MIA2: variants seen among roughly 807,000 people sequenced by gnomAD.
MIA2 encodes melanoma inhibitory activity protein 2.
In MIA2, 127 loss-of-function variants were observed where a neutral mutation model predicts 167.8. That is an observed-to-expected ratio of 0.76 (90% CI 0.66 to 0.88). The LOEUF is 0.88. MIA2 is among the 40% of genes least tolerant of loss of function. The pLI is 0.00. For synonymous variants in MIA2, 552 were observed against 541.9 expected (o/e 1.02, Z -0.26); for missense variants, 1,690 against 1,624.7 (o/e 1.04, Z -0.69).
chr14:39,377,754 T>G lies in MIA2; in HGVS notation c.2249-9131T>G, dbSNP rs559107870. On this transcript the variant is annotated intron_variant, in intron 23 of 23. Coordinates refer to the MIA2 transcript ENST00000341502. ...AAGAATAATCATTTGTTATACAGGC[T>G]CTCTCCCTTTTTTTTTTTAAATTGG... Among the ~76,000 whole-genome samples, 150 of 133,144 alleles carry G rather than the reference T, an allele frequency of 1.1e-3. 3 individuals are homozygous for G. The highest frequency in any genetic ancestry group is 0.011 in the South Asian group (50 of 4,634). 87.3% of individuals were successfully genotyped at this position (133,144 alleles called of 152,430 possible).
intron 4 of MIA2, among the ~76,000 whole-genome samples, chr14:39,251,861 TG>T (rs1441596506): frequency 2.6e-5 from 4 of 152,210 alleles, no homozygotes; most frequent in Non-Finnish European, 1.5e-5. Flanking sequence ...TCTTTATTAT[TG>T]TTTTTCAGGA....
intron 6 of MIA2, among the ~76,000 whole-genome samples, chr14:39,254,699 T>G (rs1327089253): frequency 6.6e-6 from 1 of 152,142 alleles, no homozygotes. Flanking sequence ...GAAATCTGGA[T>G]TTTTGTGTGT....
intron 17 of MIA2, among the ~76,000 whole-genome samples, chr14:39,304,736 C>G (rs1023796048): frequency 1.3e-5 from 2 of 152,072 alleles, no homozygotes; most frequent in Non-Finnish European, 2.9e-5. Flanking sequence ...AAAAATTGAT[C>G]TTCAATAGTG....
At chr14:39,323,510 A>G (rs752209884) in intron 24 of MIA2, among the ~76,000 whole-genome samples, 2 of 142,456 alleles carry the variant, frequency 1.4e-5, no homozygotes, top group Non-Finnish European at 3.0e-5. Context: ...ATCATGTCAT[A>G]TTGTACACTA....
chr14:39,268,899 G>A, intron 6 of MIA2: 1 of 611,672 alleles, frequency 1.6e-6, no homozygotes, highest in Non-Finnish European at 2.0e-6. Context: ...ATTCATGGAG[G>A]TAGGGTTTTT....
intron 23 of MIA2, among the ~76,000 whole-genome samples, chr14:39,360,216 C>G (rs1595939986): frequency 6.6e-6 from 1 of 152,236 alleles, no homozygotes; most frequent in African/African-American, 2.4e-5. Flanking sequence ...GGATGAGAAT[C>G]ATTTGAACCT....
At chr14:39,271,422 C>T (rs567279392) in intron 6 of MIA2, among the ~76,000 whole-genome samples, 2 of 152,092 alleles carry the variant, frequency 1.3e-5, no homozygotes, top group East Asian at 3.9e-4. Flanking sequence ...GTATGAGTCC[C>T]CCAGCGTTGT....
At chr14:39,352,523 A>G (rs1050738740), downstream of MIA2, among the ~76,000 whole-genome samples, 10 of 151,980 alleles carry the variant, frequency 6.6e-5, no homozygotes, top group African/African-American at 2.2e-4. Flanking sequence ...ATGAAATTGT[A>G]GGTCAGAATT....
chr14:39,272,277 G>C (rs1434717886), intron 6 of MIA2, among the ~76,000 whole-genome samples: 1 of 152,092 alleles, frequency 6.6e-6, no homozygotes, highest in Admixed American at 6.6e-5. Context: ...GCTTGAACCC[G>C]GGAGGCGGAG....
Position 39,288,448 on chromosome 14 carries a change from TATATATATATA to T in MIA2, c.2131-2570_2131-2560del, listed in dbSNP as rs2060137492. Among the ~76,000 whole-genome samples, 128 of 34,710 alleles carry T rather than the reference TATATATATATA, an allele frequency of 3.7e-3. 23 individuals are homozygous for T. The highest frequency in any genetic ancestry group is 7.8e-3 in the African/African-American group (45 of 5,800). The allele number at this position is 34,710 out of a possible 152,430, so 22.8% of individuals were successfully genotyped here. On this transcript the variant is annotated intron_variant, in intron 9 of 28. Coordinates refer to ENST00000640607, the MANE Select transcript of MIA2 (RefSeq NM_001329214.4). The stretch of plus-strand genomic sequence containing the variant: ...TATATTATACATATATATATATATA[TATATATATATA>T]TATATATATATATATATTTTTTTTT...
intron 3 of MIA2, among the ~76,000 whole-genome samples, chr14:39,242,006 G>C (rs1170728823): frequency 6.6e-6 from 1 of 152,124 alleles, no homozygotes; most frequent in Admixed American, 6.6e-5. Flanking sequence ...ACTTCACTTG[G>C]CTAGTTCCTT....
At chr14:39,265,196 C>T (rs866396200) in intron 6 of MIA2, 2 of 540,712 alleles carry the variant, frequency 3.7e-6, no homozygotes, top group Non-Finnish European at 6.5e-6. Flanking sequence ...CGAGTGAGGT[C>T]CATGAAATTG....
chr14:39,247,195 T>C lies in MIA2; in HGVS notation c.621T>C (p.Asp207=). 6.2e-7 allele frequency: 1 copy of C among 1,614,112 alleles called. No homozygotes were observed. The highest frequency in any genetic ancestry group is 8.5e-7 in the Non-Finnish European group (1 of 1,180,014). ...TAGTTGTTGAAAGTATGGAACAGGA[T>C]CGTATTCCAGAAGTGCATGTCCCAC... is the stretch of plus-strand genomic sequence containing the variant. The part of the protein sequence containing the change: ...EEVVVESMEQ[D]RIPEVHVPPS... The change falls in exon 4 of 29, where the codon GAT becomes GAC. Residue 207 remains aspartate, a synonymous_variant. Transcript: ENST00000640607.
chr14:39,312,731 G>T (rs1479922362), intron 18 of MIA2, among the ~76,000 whole-genome samples: 1 of 152,072 alleles, frequency 6.6e-6, no homozygotes, highest in Non-Finnish European at 1.5e-5. Context: ...TTGTAGAGCT[G>T]TTGTGGTAAT....
intron 6 of MIA2, chr14:39,266,600 G>A: frequency 1.0e-6 from 1 of 985,484 alleles, no homozygotes; most frequent in Non-Finnish European, 1.2e-6. Context: ...CAGCTGAGCC[G>A]GGACGCCTTC....
At chr14:39,276,111 C>A in intron 6 of MIA2, 1 of 152,228 alleles carries the variant, frequency 6.6e-6, no homozygotes. Context: ...TACCTTTCCC[C>A]TTTTCTTTTT....
At chr14:39,308,702 T>C (rs2063741372) in intron 18 of MIA2, 115 bp downstream of exon 18, 1 of 852,784 alleles carries the variant, frequency 1.2e-6, no homozygotes, top group African/African-American at 1.8e-5. Flanking sequence ...TTAGATTGTA[T>C]TTCATCAACT....
At chr14:39,350,937 T>C (rs1361554783), downstream of MIA2, 1 of 145,828 alleles carries the variant, frequency 6.9e-6, no homozygotes, top group East Asian at 2.0e-4. Context: ...ATTCACTGAG[T>C]TTCTTGCACG....
intron 23 of MIA2, among the ~76,000 whole-genome samples, chr14:39,359,921 G>A (rs1304477991): frequency 1.3e-5 from 2 of 151,510 alleles, no homozygotes; most frequent in African/African-American, 4.8e-5. Flanking sequence ...CTTTGCCATA[G>A]TGGTTATACT....
Sources: allele counts gnomAD v4.1 joint callset (sites outside exome capture counted in the v4.1 genomes callset), GRCh38; gene constraint gnomAD v4.1.1; transcripts MANE v1.5; gene names NCBI Gene and HGNC (gene_info 2026-07-23, HGNC 2026-07-21).